The following CALD1 variants were observed in gnomAD, a reference collection of about 807,000 sequenced individuals.
The protein encoded by CALD1 is caldesmon 1.
In CALD1, 33 loss-of-function variants were observed where a neutral mutation model predicts 99.9. The observed-to-expected ratio is 0.33, with a 90% CI of 0.25 to 0.44. The LOEUF (loss-of-function observed/expected upper bound fraction) is 0.44, where lower values mean the gene tolerates loss of function less well. Ranked by LOEUF, CALD1 falls within the 20% of genes least tolerant of loss-of-function variation. The pLI is 1.00. For synonymous variants in CALD1, 310 were observed against 325.0 expected (o/e 0.95, Z 0.50); for missense variants, 861 against 962.1 (o/e 0.89, Z 1.39).
the CALD1 span, among the ~76,000 whole-genome samples, chr7:134,735,723 T>C: frequency 6.6e-6 from 1 of 152,168 alleles, no homozygotes; most frequent in African/African-American, 2.4e-5. Context: ...CCTATTGCCG[T>C]AAGGGCAATT....
intron 8 of CALD1, among the ~76,000 whole-genome samples, chr7:134,948,598 G>A (rs2133134000): frequency 6.6e-6 from 1 of 152,220 alleles, no homozygotes; most frequent in East Asian, 1.9e-4. Context: ...ATAAATGGTA[G>A]AATCAGTAAG....
At chr7:134,778,630 T>A (rs978856409), upstream of CALD1, among the ~76,000 whole-genome samples, 2 of 152,214 alleles carry the variant, frequency 1.3e-5, no homozygotes, top group African/African-American at 4.8e-5. Context: ...TAATTCTCAT[T>A]AGCATCTACT....
Position 134,959,920 on chromosome 7 carries a change from T to G in CALD1, c.2062-54T>G, listed in dbSNP as rs1584681810. On this transcript the variant is annotated intron_variant, in intron 11 of 14. Coordinates refer to ENST00000361675, the MANE Select transcript of CALD1 (RefSeq NM_033138.4). ...TTGAGGAAGACAAACTCACTATAAT[T>G]TTATGAGAACAAACTTCCCAGCACC... The G allele has an allele frequency of 5.7e-6, 9 of 1,579,706 alleles. No homozygotes were observed. In the East Asian group the frequency reaches 2.0e-4, roughly 36 times the overall value.
chr7:134,758,371 A>G (rs542064184), intron 1 of CALD1, among the ~76,000 whole-genome samples: 7 of 152,338 alleles, frequency 4.6e-5, no homozygotes, highest in South Asian at 4.1e-4. Flanking sequence ...ATAATCAACC[A>G]TATTAATCAT....
At chr7:134,959,808 T>C (rs575204574) in intron 11 of CALD1, among the ~76,000 whole-genome samples, 166 bp from the exon 12 acceptor site, 2 of 152,338 alleles carry the variant, frequency 1.3e-5, no homozygotes, top group South Asian at 2.1e-4. Flanking sequence ...GAGGGACATA[T>C]GTCATCAGCA....
At chr7:134,901,669 G>A (rs1331432723) in intron 3 of CALD1, among the ~76,000 whole-genome samples, 3 of 152,080 alleles carry the variant, frequency 2.0e-5, no homozygotes, top group Admixed American at 6.5e-5. Context: ...GTGTCAGCAG[G>A]GCCATGCTCC....
intron 3 of CALD1, chr7:134,891,565 C>A: frequency 6.4e-7 from 1 of 1,569,396 alleles, no homozygotes; most frequent in South Asian, 1.2e-5. Flanking sequence ...CCTGACCGCC[C>A]GGCCTGGCCA....
chr7:134,922,759 T>G (rs907858185), intron 3 of CALD1, among the ~76,000 whole-genome samples: 2 of 152,242 alleles, frequency 1.3e-5, no homozygotes, highest in Non-Finnish European at 2.9e-5. Context: ...TTGCCATGTC[T>G]GCAAGACTTT....
chr7:134,911,449 A>T (rs537751555), intron 3 of CALD1, among the ~76,000 whole-genome samples: 43 of 152,230 alleles, frequency 2.8e-4, no homozygotes, highest in Non-Finnish European at 6.0e-4. Context: ...TCTGTTACTG[A>T]GAGAAGATAA....
chr7:134,916,292 A>T (rs1178768472), intron 3 of CALD1, among the ~76,000 whole-genome samples: 1 of 152,156 alleles, frequency 6.6e-6, no homozygotes, highest in Admixed American at 6.6e-5. Context: ...CAGATCTATC[A>T]TATATTACAG....
rs564536426 is a variant in CALD1 at position 134,816,549 on chromosome 7, C to T, written c.-129-27335C>T. Among the ~76,000 whole-genome samples, 5 of 152,232 alleles carry T rather than the reference C, an allele frequency of 3.3e-5. No individual in the cohort carries two copies. In the South Asian group the frequency reaches 1.0e-3, roughly 32 times the overall value. On this transcript the variant is annotated intron_variant, in intron 1 of 14. Coordinates refer to ENST00000361675, the MANE Select transcript of CALD1 (RefSeq NM_033138.4). Reference sequence around the variant, plus strand: ...GAAACCAAACCTATTCCTGAATAGCCCCTTTCTCTTCAGCCAATTTAAGCA... The same window carrying T: ...GAAACCAAACCTATTCCTGAATAGCTCCTTTCTCTTCAGCCAATTTAAGCA...
At chr7:134,888,324 T>G (rs1801978214) in intron 3 of CALD1, among the ~76,000 whole-genome samples, 1 of 152,246 alleles carries the variant, frequency 6.6e-6, no homozygotes, top group South Asian at 2.1e-4. Context: ...CACTTGTTCA[T>G]GGTGCCAATG....
chr7:134,938,247 AC>A (rs2133033175), intron 6 of CALD1, among the ~76,000 whole-genome samples: 1 of 152,294 alleles, frequency 6.6e-6, no homozygotes, highest in South Asian at 2.1e-4. Context: ...CAGTAGCTAC[AC>A]CCAGCTCTTG....
chr7:134,925,100 T>C (rs1049678538), intron 3 of CALD1, among the ~76,000 whole-genome samples: 12 of 152,156 alleles, frequency 7.9e-5, no homozygotes, highest in South Asian at 4.1e-4. Context: ...TACACTCTAG[T>C]AGCTGTGTAT....
chr7:134,897,346 T>C (rs1352123576), intron 3 of CALD1, among the ~76,000 whole-genome samples: 7 of 150,100 alleles, frequency 4.7e-5, no homozygotes, highest in African/African-American at 1.7e-4. Flanking sequence ...ATAAATGCAT[T>C]TTATTTTGTA....
chr7:134,858,879 G>T (rs1800436279), intron 2 of CALD1, among the ~76,000 whole-genome samples: 1 of 152,164 alleles, frequency 6.6e-6, no homozygotes, highest in Non-Finnish European at 1.5e-5. Context: ...GGAGTTGGAA[G>T]ATCTTATAGT....
chr7:134,933,022 A>G lies in CALD1; in HGVS notation c.253A>G (p.Asn85Asp), dbSNP rs1270326477. 6.2e-7 allele frequency: 1 copy of G among 1,612,734 alleles called. No individual in the cohort carries two copies. Among genetic ancestry groups the G allele is most frequent in the Non-Finnish European group, 8.5e-7 (1 of 1,179,474 alleles). Residue 85 changes from asparagine (N) to aspartate (D), a missense_variant, in exon 5 of 15, where the codon AAC becomes GAC. Coordinates refer to ENST00000361675, the MANE Select transcript of CALD1 (RefSeq NM_033138.4). ...PDEEAKTTTT[N>D]TQVEGDDEAA... The stretch of plus-strand genomic sequence containing the variant: ...CGAGGAGGCCAAGACAACCACCACA[A>G]ACACTCAAGTGGAAGGGGATGATGA...
At chr7:134,959,567 A>T (rs1002485389) in intron 11 of CALD1, among the ~76,000 whole-genome samples, 1 of 152,130 alleles carries the variant, frequency 6.6e-6, no homozygotes. Flanking sequence ...CTACTCGGGA[A>T]GCTGAAGTGG....
rs1191013759 is a variant in CALD1, at chr7:134,958,080, A to G, written c.1947A>G (p.Arg649=). Residue 649 remains arginine, a synonymous_variant, in exon 10 of 15, where the codon CGA becomes CGG. Transcript: ENST00000361675. ...TTTGTAATTCCTAGATAGAAGAGCG[A>G]GCAGAATTTTTGAATAAGTCTGTGC... ...PKGSSLKIEE[R]AEFLNKSVQK... 1 of 1,607,138 alleles carries G rather than the reference A, an allele frequency of 6.2e-7. No individual in the cohort carries two copies. Among genetic ancestry groups the G allele is most frequent in the South Asian group, 1.1e-5 (1 of 90,894 alleles).
Sources: gnomAD v4.1 joint callset for allele counts (sites outside exome capture counted in the v4.1 genomes callset) on GRCh38, gnomAD v4.1.1 for gene constraint, MANE v1.5 for transcripts, NCBI Gene and HGNC (gene_info 2026-07-23, HGNC 2026-07-21) for gene names.